The following CNOT6 variants were observed in gnomAD, a reference collection of about 807,000 sequenced individuals.
The protein encoded by CNOT6 is CCR4-NOT transcription complex subunit 6.
Under a neutral mutation model 61.2 loss-of-function variants are expected in CNOT6, and 12 were observed. The observed-to-expected ratio is 0.20, with a 90% confidence interval of 0.13 to 0.32. The LOEUF is 0.32. Among genes scored for constraint, CNOT6 ranks in the 10% least tolerant of loss-of-function variants. The pLI, the probability that CNOT6 is intolerant of heterozygous loss-of-function variation, is 1.00. For synonymous variants in CNOT6, 225 were observed against 240.6 expected, an observed-to-expected ratio of 0.94 and a Z score of 0.60; for missense variants, 405 against 663.9, an observed-to-expected ratio of 0.61 and a Z score of 4.28.
At chr5:180,571,105 A>G in intron 10 of CNOT6, 125 bp from the exon 11 acceptor site, 1 of 663,558 alleles carries the variant, frequency 1.5e-6, no homozygotes, top group South Asian at 2.0e-5. Context: ...AAGTCCTGGC[A>G]AATGTAAAAG....
chr5:180,507,384 A>G (rs1757174172), intron 1 of CNOT6, among the ~76,000 whole-genome samples: 1 of 152,138 alleles, frequency 6.6e-6, no homozygotes. Flanking sequence ...CAGATCACCT[A>G]AGGTCAGGAG....
intron 2 of CNOT6, among the ~76,000 whole-genome samples, chr5:180,538,686 G>GTGTATATA (rs1554100067): frequency 4.7e-5 from 4 of 85,082 alleles, no homozygotes; most frequent in Admixed American, 1.5e-4. Context: ...TGAGAAAAAG[G>GTGTATATA]TATATATATA....
At chr5:180,569,880 C>G (rs1348480633) in intron 10 of CNOT6, among the ~76,000 whole-genome samples, 1 of 152,194 alleles carries the variant, frequency 6.6e-6, no homozygotes, top group Non-Finnish European at 1.5e-5. Flanking sequence ...CTGGAGCGCT[C>G]TTTCCGTGGA....
rs56032920 is a variant in CNOT6 at position 180,539,173 on chromosome 5, C to CAAAAA, written c.112+9799_112+9803dup. ...CTAGCAACAGAGCGAGACTCCATCT[C>CAAAAA]AAAAAAAAAAAAAAAAAAGTCAGCC... On this transcript the variant is annotated intron_variant, in intron 2 of 11. Transcript: ENST00000261951. Among the ~76,000 whole-genome samples, 134 of 93,210 alleles carry CAAAAA rather than the reference C, an allele frequency of 1.4e-3. 1 individual carries two copies. Among genetic ancestry groups the CAAAAA allele is most frequent in the Non-Finnish European group, 1.9e-3 (97 of 50,516 alleles). The allele number at this position is 93,210 out of a possible 152,430, so 61.1% of individuals were successfully genotyped here.
intron 11 of CNOT6, among the ~76,000 whole-genome samples, chr5:180,572,830 A>G (rs1174457230): frequency 6.6e-6 from 1 of 152,154 alleles, no homozygotes; most frequent in Admixed American, 6.5e-5. Flanking sequence ...TGCTGGGATT[A>G]TAGACGGGAG....
intron 1 of CNOT6, among the ~76,000 whole-genome samples, chr5:180,499,138 C>T (rs572485339): frequency 2.3e-4 from 35 of 152,168 alleles, no homozygotes; most frequent in Non-Finnish European, 3.2e-4. Context: ...TCTGTGGTCC[C>T]TTAAGGGACT....
chr5:180,522,677 G>T (rs565140905), intron 1 of CNOT6, among the ~76,000 whole-genome samples: 1 of 151,822 alleles, frequency 6.6e-6, no homozygotes, highest in East Asian at 2.0e-4. Context: ...TTGAGACAGG[G>T]TCTCACTCTT....
At chr5:180,547,666 A>G (rs1013385193) in intron 2 of CNOT6, among the ~76,000 whole-genome samples, 3 of 152,142 alleles carry the variant, frequency 2.0e-5, no homozygotes, top group Middle Eastern at 6.8e-3. Context: ...CTTTTAAGCC[A>G]TTTGGTTAAG....
At position 180,548,149 on chromosome 5, in the gene CNOT6, A is replaced by AAG. The variant is rs200099856; in HGVS notation, c.113-1782_113-1781insAG. On this transcript the variant is annotated intron_variant, in intron 2 of 11. Coordinates refer to ENST00000261951, the MANE Select transcript of CNOT6 (RefSeq NM_001370472.1). ...AATTCACACACTGTACAGCTCACCC[A>AAG]TTTAAAGTGCCAGTTTAGTGGGTTT... Among the ~76,000 whole-genome samples, 938 of 152,286 alleles carry AAG rather than the reference A, an allele frequency of 6.2e-3. 10 individuals carry two copies. Among genetic ancestry groups the AAG allele is most frequent in the African/African-American group, 0.022 (903 of 41,554 alleles).
intron 1 of CNOT6, among the ~76,000 whole-genome samples, chr5:180,508,916 G>A (rs11750835): frequency 0.27 from 40,571 of 150,942 alleles, 6,094 homozygotes; most frequent in Middle Eastern, 0.41. Context: ...CTCACCTCCC[G>A]GGTTCAAGCA....
At chr5:180,507,614 A>G (rs1014167504) in intron 1 of CNOT6, among the ~76,000 whole-genome samples, 1 of 139,258 alleles carries the variant, frequency 7.2e-6, no homozygotes, top group African/African-American at 2.5e-5. Context: ...AAAACAAAAA[A>G]AGATACAGTT....
chr5:180,571,371 A>G lies in CNOT6; in HGVS notation c.1400A>G (p.Lys467Arg). 1 of 1,614,236 alleles carries G rather than the reference A, an allele frequency of 6.2e-7. No individual in the cohort carries two copies. ...AATGGAAGGATCACTCATGGTTTCA[A>G]GTTACAGAGTGCCTATGAGAGTGGC... ...TTNGRITHGFKLQSAYESGLM... is the reference protein window; with the variant it reads ...TTNGRITHGFRLQSAYESGLM... Residue 467 changes from lysine to arginine, a missense_variant, in exon 11 of 12, where the codon AAG (lysine) becomes AGG (arginine). This residue lies in a region of CNOT6 where 116 missense variants were observed against 184.6 expected (regional missense o/e 0.63). Coordinates refer to ENST00000261951, the MANE Select transcript of CNOT6 (RefSeq NM_001370472.1).
chr5:180,520,292 A>G (rs1440755787), intron 1 of CNOT6, among the ~76,000 whole-genome samples: 1 of 152,216 alleles, frequency 6.6e-6, no homozygotes, highest in Non-Finnish European at 1.5e-5. Context: ...ACATCTGGGA[A>G]TGACTAACTG....
chr5:180,548,053 C>G (rs1383218440), intron 2 of CNOT6, among the ~76,000 whole-genome samples: 1 of 152,144 alleles, frequency 6.6e-6, no homozygotes, highest in Non-Finnish European at 1.5e-5. Flanking sequence ...CTTTTTGTAT[C>G]TGTGAGTTTA....
chr5:180,562,466 C>T (rs1013947252), intron 4 of CNOT6, among the ~76,000 whole-genome samples: 3 of 152,112 alleles, frequency 2.0e-5, no homozygotes, highest in African/African-American at 2.4e-5. Flanking sequence ...CCTGGCCGGG[C>T]GCGGTGGCTC....
intron 1 of CNOT6, chr5:180,495,730 A>T (rs1756583179): frequency 6.6e-6 from 1 of 152,240 alleles, no homozygotes. Flanking sequence ...GAAGAGAGTG[A>T]ATATGAATAA....
chr5:180,567,867 A>G lies in CNOT6; in HGVS notation c.891A>G (p.Lys297=), dbSNP rs777093016. The G allele has an allele frequency of 1.9e-6, 3 of 1,614,152 alleles. No homozygotes were observed. Among genetic ancestry groups the G allele is most frequent in the Non-Finnish European group, 2.5e-6 (3 of 1,180,020 alleles). ...FKTEKFTLVQ[K]HTVEFNQLAM... ...GTTTTAGATTTACTTTGGTTCAGAA[A>G]CACACTGTTGAATTTAATCAGCTAG... Residue 297 remains lysine, a synonymous_variant, in exon 9 of 12, where the codon AAA becomes AAG. Coordinates refer to ENST00000261951, the MANE Select transcript of CNOT6 (RefSeq NM_001370472.1).
rs114756398 is a variant in CNOT6 at position 180,542,832 on chromosome 5, G to A, written c.113-7099G>A. 5.5e-4 allele frequency among the ~76,000 whole-genome samples: 84 copies of A among 152,270 alleles called. 1 individual carries two copies. Among genetic ancestry groups the A allele is most frequent in the Middle Eastern group, 6.8e-3 (2 of 294 alleles). ...CTAAGCTGCTTAAAAGTAAATGCAAGTTTTTGGGTACTTATGAGTATGTAC... is the reference window on the plus strand; with the variant it reads ...CTAAGCTGCTTAAAAGTAAATGCAAATTTTTGGGTACTTATGAGTATGTAC... On this transcript the variant is annotated intron_variant, in intron 2 of 11. Coordinates refer to ENST00000261951, the MANE Select transcript of CNOT6 (RefSeq NM_001370472.1).
chr5:180,518,095 A>T (rs376126310), intron 1 of CNOT6, among the ~76,000 whole-genome samples: 2 of 152,040 alleles, frequency 1.3e-5, no homozygotes, highest in African/African-American at 4.8e-5. Context: ...GGATTATGTT[A>T]TCTCTCTTTT....
Sources: gnomAD v4.1 joint callset for allele counts (sites outside exome capture counted in the v4.1 genomes callset) on GRCh38, gnomAD v4.1.1 for gene constraint, gnomAD v4.1.1 regional missense constraint, MANE v1.5 for transcripts, NCBI Gene and HGNC (gene_info 2026-07-23, HGNC 2026-07-21) for gene names.